RABGAP1L: variants seen among roughly 807,000 people sequenced by gnomAD.
RABGAP1L encodes rab GTPase-activating protein 1-like.
RABGAP1L carries 63 observed loss-of-function variants against 137.7 expected under a neutral mutation model. The ratio of observed to expected loss-of-function variants is 0.46; its 90% CI spans 0.37 to 0.56. The LOEUF (loss-of-function observed/expected upper bound fraction) is 0.56, where lower values mean the gene tolerates loss of function less well. RABGAP1L is among the 20% of genes least tolerant of loss of function. RABGAP1L has a pLI of 0.00. For synonymous variants in RABGAP1L, 431 were observed against 433.7 expected, an observed-to-expected ratio of 0.99 and a Z score of 0.08; for missense variants, 1,095 against 1,244.0, an observed-to-expected ratio of 0.88 and a Z score of 1.80.
At chr1:174,474,864 G>A (rs1409873672) in intron 13 of RABGAP1L, among the ~76,000 whole-genome samples, 1 of 152,096 alleles carries the variant, frequency 6.6e-6, no homozygotes, top group Non-Finnish European at 1.5e-5. Context: ...GCCTCCTAAA[G>A]TGGTGGGATT....
chr1:174,983,105 A>G (rs1485927128), intron 24 of RABGAP1L, among the ~76,000 whole-genome samples, 200 bp downstream of exon 24: 1 of 152,230 alleles, frequency 6.6e-6, no homozygotes, highest in Non-Finnish European at 1.5e-5. Context: ...CATAAATCAT[A>G]TGGACTGTCA....
chr1:174,592,859 T>A (rs1669701218), intron 13 of RABGAP1L, among the ~76,000 whole-genome samples: 1 of 73,916 alleles, frequency 1.4e-5, no homozygotes, highest in East Asian at 2.6e-4. Context: ...AGAATGATGC[T>A]GGCCTCATAA....
At chr1:174,652,954 T>C (rs1361936692) in intron 14 of RABGAP1L, among the ~76,000 whole-genome samples, 1 of 152,106 alleles carries the variant, frequency 6.6e-6, no homozygotes, top group Non-Finnish European at 1.5e-5. Flanking sequence ...ATCTCTAAGG[T>C]CCTGACTGGG....
intron 13 of RABGAP1L, among the ~76,000 whole-genome samples, chr1:174,597,018 T>G (rs575493830): frequency 6.6e-6 from 1 of 152,344 alleles, no homozygotes; most frequent in South Asian, 2.1e-4. Flanking sequence ...ATGTTTATAT[T>G]GATTGATTTG....
intron 13 of RABGAP1L, among the ~76,000 whole-genome samples, chr1:174,540,435 T>G (rs1233343370): frequency 6.6e-6 from 1 of 152,232 alleles, no homozygotes; most frequent in Non-Finnish European, 1.5e-5. Flanking sequence ...AGGTCTAACA[T>G]TTAAGTCTTT....
At chr1:174,188,762 C>A (rs1411842089) in intron 1 of RABGAP1L, among the ~76,000 whole-genome samples, 2 of 152,158 alleles carry the variant, frequency 1.3e-5, no homozygotes, top group Non-Finnish European at 1.5e-5. Flanking sequence ...TTTTAAAATA[C>A]TCAGTAAACA....
intron 12 of RABGAP1L, among the ~76,000 whole-genome samples, chr1:174,393,647 G>T (rs1165677724): frequency 1.3e-5 from 2 of 152,130 alleles, no homozygotes; most frequent in East Asian, 3.9e-4. Flanking sequence ...ATTCATTTCA[G>T]GGAATCCAGA....
At chr1:174,798,276 G>A (rs1181161234) in intron 18 of RABGAP1L, among the ~76,000 whole-genome samples, 9 of 151,366 alleles carry the variant, frequency 5.9e-5, no homozygotes, top group African/African-American at 1.5e-4. Flanking sequence ...GTGTGGTGGC[G>A]GGCGCTTGTA....
At chr1:174,195,721 C>CT (rs200431417) in intron 1 of RABGAP1L, among the ~76,000 whole-genome samples, 1 of 119,742 alleles carries the variant, frequency 8.4e-6, no homozygotes. Context: ...TCTTTTCTTT[C>CT]TTTTCTTTCT....
intron 18 of RABGAP1L, among the ~76,000 whole-genome samples, chr1:174,759,655 C>T (rs1045586298): frequency 6.6e-6 from 1 of 151,636 alleles, no homozygotes; most frequent in Non-Finnish European, 1.5e-5. Flanking sequence ...AGGTTATATA[C>T]GAAACATAGT....
At chr1:174,377,871 G>C (rs1685700856) in intron 12 of RABGAP1L, among the ~76,000 whole-genome samples, 1 of 139,518 alleles carries the variant, frequency 7.2e-6, no homozygotes, top group South Asian at 2.3e-4. Context: ...TGCCATGCTG[G>C]TGCGCTGCAC....
chr1:174,195,697 C>T (rs139025441), intron 1 of RABGAP1L, among the ~76,000 whole-genome samples: 11,630 of 91,882 alleles, frequency 0.13, 891 homozygotes, highest in African/African-American at 0.23. Context: ...TCCTTCTTTC[C>T]TTCTTTCCTT....
intron 10 of RABGAP1L, among the ~76,000 whole-genome samples, chr1:174,293,662 A>G (rs1208356017): frequency 3.3e-5 from 5 of 152,164 alleles, no homozygotes; most frequent in African/African-American, 9.6e-5. Context: ...AAGTGTCACT[A>G]TATTGAGCAG....
At chr1:174,650,550 G>T (rs1192223547) in intron 14 of RABGAP1L, among the ~76,000 whole-genome samples, 1 of 151,996 alleles carries the variant, frequency 6.6e-6, no homozygotes, top group Non-Finnish European at 1.5e-5. Flanking sequence ...ACTTCTTCCT[G>T]GTTTAGTCTT....
rs1320584937 is a variant in RABGAP1L, at chr1:174,982,913, G to GT, written c.2805+9dup. 1.2e-5 allele frequency: 18 copies of GT among 1,550,190 alleles called. No homozygotes were observed. The African/African-American group carries it at 2.3e-4, about 20-fold the overall frequency. On this transcript the variant is annotated intron_variant, in intron 24 of 25. Transcript: ENST00000681986. ...GAGCTGGAAGTGGTAAAGGTAAGGA[G>GT]TGAAATCGTGCTGTGATAAAATTTA...
chr1:174,753,145 GATA>G (rs34392782), intron 18 of RABGAP1L, among the ~76,000 whole-genome samples: 20,491 of 152,080 alleles, frequency 0.13, 4,630 homozygotes, highest in African/African-American at 0.47. Flanking sequence ...TGGGTTTTGA[GATA>G]ATAATAGGAA....
At chr1:174,179,405 T>C (rs1666167556) in intron 1 of RABGAP1L, among the ~76,000 whole-genome samples, 1 of 152,214 alleles carries the variant, frequency 6.6e-6, no homozygotes, top group Admixed American at 6.5e-5. Flanking sequence ...TGCATTTTCT[T>C]CTGAAAACTA....
chr1:174,272,366 T>C (rs1313530151), intron 7 of RABGAP1L, 48 bp from the exon 8 acceptor site: 1 of 1,581,704 alleles, frequency 6.3e-7, no homozygotes, highest in Non-Finnish European at 8.6e-7. Flanking sequence ...TGGGCTTCTA[T>C]ATATTCTTGA....
At chr1:174,238,230 C>T (rs1414794955) in intron 4 of RABGAP1L, among the ~76,000 whole-genome samples, 1 of 152,148 alleles carries the variant, frequency 6.6e-6, no homozygotes, top group African/African-American at 2.4e-5. Context: ...CCTCCCGTAG[C>T]TCAGAGTAAT....
Sources: allele counts gnomAD v4.1 joint callset (sites outside exome capture counted in the v4.1 genomes callset), GRCh38; gene constraint gnomAD v4.1.1; transcripts MANE v1.5; gene names NCBI Gene and HGNC (gene_info 2026-07-23, HGNC 2026-07-21).